PCLO: variants seen among roughly 807,000 people sequenced by gnomAD.
PCLO encodes the protein protein piccolo.
Under a neutral mutation model 427.5 loss-of-function variants are expected in PCLO, and 82 were observed. The observed-to-expected ratio is 0.19, with a 90% CI of 0.16 to 0.23. The LOEUF is 0.23. Among genes scored for constraint, PCLO ranks in the 10% least tolerant of loss-of-function variants. The probability of loss-of-function intolerance (pLI) is 1.00; values close to 1 mark genes in which losing one functional copy is unlikely to be tolerated. For missense variants in PCLO, 6,239 were observed against 6,115.9 expected, an observed-to-expected ratio of 1.02 and a Z score of -0.67; for synonymous variants, 2,357 against 2,155.4, an observed-to-expected ratio of 1.09 and a Z score of -2.59.
chr7:83,138,550 A>G (rs1159340931), intron 2 of PCLO, among the ~76,000 whole-genome samples: 3 of 152,014 alleles, frequency 2.0e-5, no homozygotes. Context: ...AGTCCCAGCC[A>G]TTTGGGAGGC....
chr7:83,130,011 AT>A (rs571055268), intron 3 of PCLO, among the ~76,000 whole-genome samples: 4,336 of 147,148 alleles, frequency 0.029, 172 homozygotes, highest in African/African-American at 0.091. Flanking sequence ...TTATTTCCTA[AT>A]TTTTTTTTTT....
At chr7:82,788,574 C>G (rs943390673) in intron 22 of PCLO, among the ~76,000 whole-genome samples, 1 of 151,962 alleles carries the variant, frequency 6.6e-6, no homozygotes, top group East Asian at 1.9e-4. Flanking sequence ...TTTCTGATCT[C>G]TTTGTATAAT....
Position 83,122,578 on chromosome 7 carries a change from G to A in PCLO, c.3300+11672C>T, listed in dbSNP as rs141880262. ...TGGGATTACAGTGGTGAGCCACTGC[G>A]CCTGGCCTAGGATGCCCACTTTCAC... On this transcript the variant is annotated intron_variant, in intron 3 of 24. Transcript: ENST00000333891. Among the ~76,000 whole-genome samples the A allele has an allele frequency of 1.5e-3, 226 of 152,206 alleles. 2 individuals carry two copies. Among genetic ancestry groups the A allele is most frequent in the African/African-American group, 5.3e-3 (219 of 41,540 alleles).
At chr7:83,044,457 T>C (rs535267444) in intron 3 of PCLO, among the ~76,000 whole-genome samples, 1 of 152,312 alleles carries the variant, frequency 6.6e-6, no homozygotes, top group South Asian at 2.1e-4. Flanking sequence ...CATAAAATAT[T>C]AACTGGTTGT....
At chr7:83,100,870 T>C (rs971269522) in intron 3 of PCLO, among the ~76,000 whole-genome samples, 1 of 152,156 alleles carries the variant, frequency 6.6e-6, no homozygotes, top group African/African-American at 2.4e-5. Flanking sequence ...TTGGAATTAT[T>C]CTAAAACAAC....
chr7:82,900,421 T>G (rs1794009826), intron 9 of PCLO, among the ~76,000 whole-genome samples: 1 of 151,744 alleles, frequency 6.6e-6, no homozygotes, highest in South Asian at 2.1e-4. Flanking sequence ...TATTTGAATA[T>G]TTTCTATTGA....
chr7:82,983,315 G>A (rs1796189042), intron 3 of PCLO, among the ~76,000 whole-genome samples: 1 of 150,736 alleles, frequency 6.6e-6, no homozygotes, highest in African/African-American at 2.4e-5. Flanking sequence ...ATCCAGTTTT[G>A]AAAAACTATC....
chr7:82,977,663 C>A lies in PCLO; in HGVS notation c.3301-11176G>T, dbSNP rs568614512. Among the ~76,000 whole-genome samples the A allele has an allele frequency of 1.4e-3, 209 of 152,148 alleles. 1 individual carries two copies. The highest frequency in any genetic ancestry group is 4.7e-3 in the African/African-American group (194 of 41,494). On this transcript the variant is annotated intron_variant, in intron 3 of 24. Transcript: ENST00000333891. The stretch of plus-strand genomic sequence containing the variant: ...TCCTGACCTCAGGTGATCTGCCTGC[C>A]TTGGCCTCCCAAAGTGCTGGGATTA...
rs1466201700 is a variant in PCLO at position 82,857,228 on chromosome 7, C to A, written c.13655-9981G>T. Among the ~76,000 whole-genome samples, 5 of 152,174 alleles carry A rather than the reference C, an allele frequency of 3.3e-5. No individual in the cohort carries two copies. The East Asian group carries it at 7.7e-4, about 23-fold the overall frequency. ...AATCATTTAACAATAACAAACTAAA[C>A]CAATACTATATGGATTGTGTAGAAA... On this transcript the variant is annotated intron_variant, in intron 10 of 24. Coordinates refer to ENST00000333891, the MANE Select transcript of PCLO (RefSeq NM_033026.6).
intron 3 of PCLO, among the ~76,000 whole-genome samples, chr7:83,024,028 G>A (rs1478432324): frequency 1.3e-5 from 2 of 152,140 alleles, no homozygotes; most frequent in African/African-American, 2.4e-5. Flanking sequence ...TTGCTTACTG[G>A]CTTTGGGCCA....
intron 3 of PCLO, among the ~76,000 whole-genome samples, chr7:83,028,865 C>T (rs1477858294): frequency 2.0e-5 from 3 of 151,816 alleles, no homozygotes; most frequent in Admixed American, 6.6e-5. Flanking sequence ...GTAACGGATT[C>T]CCTATTTAAT....
intron 3 of PCLO, among the ~76,000 whole-genome samples, chr7:83,051,332 C>G (rs1446922533): frequency 6.6e-6 from 1 of 152,056 alleles, no homozygotes; most frequent in Non-Finnish European, 1.5e-5. Context: ...AAAATAACTC[C>G]TTGAAATAAT....
At chr7:82,918,470 T>C (rs1298519138) in intron 6 of PCLO, among the ~76,000 whole-genome samples, 1 of 151,982 alleles carries the variant, frequency 6.6e-6, no homozygotes, top group African/African-American at 2.4e-5. Context: ...TGTAAAAAAG[T>C]ACACATGTAA....
intron 9 of PCLO, among the ~76,000 whole-genome samples, chr7:82,892,332 T>G (rs1306475127): frequency 1.3e-5 from 2 of 152,126 alleles, no homozygotes; most frequent in Non-Finnish European, 2.9e-5. Context: ...GGGGAAAGGA[T>G]TCCCTATTTA....
At chr7:82,900,098 C>T (rs962028730) in intron 9 of PCLO, among the ~76,000 whole-genome samples, 2 of 151,628 alleles carry the variant, frequency 1.3e-5, no homozygotes, top group Non-Finnish European at 3.0e-5. Flanking sequence ...ACTTAAAATA[C>T]AGTTTGAACA....
intron 3 of PCLO, among the ~76,000 whole-genome samples, chr7:83,133,567 TGTTA>T (rs1407851026): frequency 6.6e-6 from 1 of 152,080 alleles, no homozygotes; most frequent in Non-Finnish European, 1.5e-5. Flanking sequence ...AAACCCTTCA[TGTTA>T]GTTATAGAAA....
At chr7:83,086,347 G>A (rs1790232261) in intron 3 of PCLO, among the ~76,000 whole-genome samples, 1 of 152,012 alleles carries the variant, frequency 6.6e-6, no homozygotes, top group Non-Finnish European at 1.5e-5. Context: ...GACCTCAGTT[G>A]ATCCACCAGA....
At chr7:82,849,274 T>C (rs575231012) in intron 10 of PCLO, among the ~76,000 whole-genome samples, 2 of 152,044 alleles carry the variant, frequency 1.3e-5, no homozygotes, top group Non-Finnish European at 2.9e-5. Context: ...GTATGGTTAA[T>C]AAAATCTCTT....
At chr7:83,013,477 T>C (rs573221159) in intron 3 of PCLO, among the ~76,000 whole-genome samples, 2 of 152,304 alleles carry the variant, frequency 1.3e-5, no homozygotes, top group South Asian at 2.1e-4. Flanking sequence ...AAAGTGTGTA[T>C]AGAAGTGCCT....
Sources: gnomAD v4.1 joint callset for allele counts (sites outside exome capture counted in the v4.1 genomes callset) on GRCh38, gnomAD v4.1.1 for gene constraint, MANE v1.5 for transcripts, NCBI Gene and HGNC (gene_info 2026-07-23, HGNC 2026-07-21) for gene names.